FOCAD: variants seen among roughly 807,000 people sequenced by gnomAD.
FOCAD encodes KIAA1797.
A neutral mutation model predicts 225.6 loss-of-function variants in FOCAD; 198 were observed. The observed-to-expected ratio is 0.88, with a 90% confidence interval of 0.78 to 0.99. The LOEUF (loss-of-function observed/expected upper bound fraction) is 0.99. Among genes scored for constraint, FOCAD ranks in the 50% least tolerant of loss-of-function variants. The pLI is 0.00. For missense variants in FOCAD, 2,713 were observed against 2,123.6 expected (o/e 1.28, Z -5.46); for synonymous variants, 897 against 755.0 (o/e 1.19, Z -3.08).
At chr9:20,714,802 C>T (rs1337120334) in intron 1 of FOCAD, among the ~76,000 whole-genome samples, 1 of 152,036 alleles carries the variant, frequency 6.6e-6, no homozygotes, top group Admixed American at 6.6e-5. Context: ...GCTTGTTCCT[C>T]CTTTAGGAAA....
At chr9:20,965,559 A>G (rs749704302) in intron 35 of FOCAD, among the ~76,000 whole-genome samples, 2 of 152,108 alleles carry the variant, frequency 1.3e-5, no homozygotes, top group African/African-American at 2.4e-5. Flanking sequence ...ACAACATGCC[A>G]TTTTAACCAT....
At chr9:20,973,073 A>C (rs116459630) in intron 35 of FOCAD, among the ~76,000 whole-genome samples, 1 of 120,588 alleles carries the variant, frequency 8.3e-6, no homozygotes. Flanking sequence ...TTCTGCAGCT[A>C]TTTTACCTTC....
chr9:20,674,411 C>T (rs2131285954), intron 2 of FOCAD, among the ~76,000 whole-genome samples: 1 of 152,298 alleles, frequency 6.6e-6, no homozygotes, highest in Middle Eastern at 3.4e-3. Flanking sequence ...ACATCAGCTT[C>T]TCCCCTATCT....
chr9:20,843,031 T>G (rs1268353091), intron 15 of FOCAD, among the ~76,000 whole-genome samples: 1 of 150,380 alleles, frequency 6.6e-6, no homozygotes, highest in Non-Finnish European at 1.5e-5. Context: ...GCTTTTTATC[T>G]TTTTGTTGTT....
chr9:20,972,109 A>C (rs1286329799), intron 35 of FOCAD, among the ~76,000 whole-genome samples: 1 of 152,106 alleles, frequency 6.6e-6, no homozygotes, highest in East Asian at 1.9e-4. Context: ...TGGGATATAC[A>C]CCTAAAAGTG....
At chr9:20,769,711 A>G (rs1817993944) in intron 7 of FOCAD, among the ~76,000 whole-genome samples, 1 of 152,220 alleles carries the variant, frequency 6.6e-6, no homozygotes, top group Non-Finnish European at 1.5e-5. Flanking sequence ...AACTAAACTT[A>G]ATTTCCCTCA....
chr9:20,731,720 C>G (rs1163718002), intron 4 of FOCAD, among the ~76,000 whole-genome samples: 1 of 152,044 alleles, frequency 6.6e-6, no homozygotes, highest in Non-Finnish European at 1.5e-5. Flanking sequence ...CGGGTTCAAG[C>G]GATTCTCCTG....
intron 1 of FOCAD, 133 bp from the exon 2 acceptor site, chr9:20,715,189 G>A (rs1586923773): frequency 2.7e-6 from 1 of 370,942 alleles, no homozygotes; most frequent in East Asian, 4.0e-5. Context: ...GGATTACTCT[G>A]CAGAGCCCTG....
At chr9:20,861,236 G>C (rs1163120164) in intron 15 of FOCAD, among the ~76,000 whole-genome samples, 3 of 152,058 alleles carry the variant, frequency 2.0e-5, no homozygotes, top group Non-Finnish European at 2.9e-5. Flanking sequence ...TTTACAATAA[G>C]GTGTCAAGTT....
intron 27 of FOCAD, among the ~76,000 whole-genome samples, chr9:20,930,550 G>A (rs548363789): frequency 6.6e-6 from 1 of 152,290 alleles, no homozygotes; most frequent in East Asian, 1.9e-4. Flanking sequence ...GGATAAACTG[G>A]ATGACACTAT....
At chr9:20,984,557 G>C (rs931356715) in intron 39 of FOCAD, among the ~76,000 whole-genome samples, 2 of 152,150 alleles carry the variant, frequency 1.3e-5, no homozygotes, top group Non-Finnish European at 1.5e-5. Context: ...TGAGAAAAGT[G>C]GCATTGTTTT....
intron 11 of FOCAD, 151 bp downstream of exon 11, chr9:20,789,759 TTTC>T: frequency 1.1e-6 from 1 of 939,784 alleles, no homozygotes; most frequent in Non-Finnish European, 1.5e-6. Flanking sequence ...CTTCCATTTT[TTTC>T]TTCTTTTTCC....
At chr9:20,888,049 C>T (rs1713696750) in intron 21 of FOCAD, among the ~76,000 whole-genome samples, 1 of 140,814 alleles carries the variant, frequency 7.1e-6, no homozygotes, top group Non-Finnish European at 1.6e-5. Flanking sequence ...CTTTTGTTTT[C>T]AAAAGAGTGT....
intron 1 of FOCAD, among the ~76,000 whole-genome samples, chr9:20,708,612 A>G (rs1327167019): frequency 6.6e-6 from 1 of 151,900 alleles, no homozygotes; most frequent in Non-Finnish European, 1.5e-5. Context: ...GCTACAAAAA[A>G]TTTTAAAAAA....
intron 1 of FOCAD, among the ~76,000 whole-genome samples, chr9:20,703,143 G>T (rs1824101903): frequency 6.6e-6 from 1 of 151,550 alleles, no homozygotes; most frequent in African/African-American, 2.4e-5. Flanking sequence ...TACAATAGTG[G>T]GTCACTGCAG....
Position 20,982,394 on chromosome 9 carries a change from G to C in FOCAD, c.4676G>C (p.Cys1559Ser), listed in dbSNP as rs1840776609. Residue 1559 changes from cysteine to serine, a missense_variant, in exon 39 of 44, where the codon TGC becomes TCC. By Grantham distance (112) the Cys-to-Ser change is moderately radical. Coordinates refer to ENST00000338382, the MANE Select transcript of FOCAD (RefSeq NM_001375567.1). ...DLELYISIAK[C>S]LLEMTDDDAN... ...GAGCTGTATATCAGCATAGCAAAAT[G>C]CCTCTTAGAAATGACAGATGATGAT... 2 of 1,613,742 alleles carry C rather than the reference G, an allele frequency of 1.2e-6. No homozygotes were observed. The highest frequency in any genetic ancestry group is 2.7e-5 in the African/African-American group (2 of 74,904).
Position 20,933,098 on chromosome 9 carries a change from A to G in FOCAD, c.3402A>G (p.Glu1134=). The part of the protein sequence containing the change: ...LENCCFDTSL[E]YNTGCILGVG... ...ATTGCTGCTTTGACACTAGTCTTGA[A>G]TACAAGTATGTTGTTCCTATTTCCA... The change falls in exon 28 of 44, where the codon GAA becomes GAG. Residue 1134 remains glutamate, a synonymous_variant. Coordinates refer to ENST00000338382, the MANE Select transcript of FOCAD (RefSeq NM_001375567.1). The G allele has an allele frequency of 6.2e-7, 1 of 1,612,118 alleles. No individual in the cohort carries two copies. Among genetic ancestry groups the G allele is most frequent in the South Asian group, 1.1e-5 (1 of 91,026 alleles).
chr9:20,855,403 G>A (rs566760557), intron 15 of FOCAD, among the ~76,000 whole-genome samples: 3 of 151,536 alleles, frequency 2.0e-5, no homozygotes, highest in South Asian at 4.2e-4. Flanking sequence ...TTTTTTCCTT[G>A]TCTCTGAATA....
chr9:20,793,570 C>T (rs1252411387), intron 11 of FOCAD, among the ~76,000 whole-genome samples: 1 of 152,140 alleles, frequency 6.6e-6, no homozygotes, highest in Non-Finnish European at 1.5e-5. Context: ...GTGATGCTTA[C>T]TAATGTACTG....
Sources: allele counts gnomAD v4.1 joint callset (sites outside exome capture counted in the v4.1 genomes callset), GRCh38; gene constraint gnomAD v4.1.1; transcripts MANE v1.5; gene names NCBI Gene and HGNC (gene_info 2026-07-23, HGNC 2026-07-21).